The following OR9Q1 variants were observed in gnomAD, a reference collection of about 807,000 sequenced individuals.
OR9Q1 encodes olfactory receptor family 9 subfamily Q member 1.
For missense variants in OR9Q1, 374 were observed against 378.8 expected (o/e 0.99, Z 0.11); for synonymous variants, 153 against 148.6 (o/e 1.03, Z -0.22).
At position 58,091,833 on chromosome 11, in the gene OR9Q1, T is replaced by A. The variant is rs1316486882; in HGVS notation, c.-15+35886T>A. Among the ~76,000 whole-genome samples, 4 of 152,194 alleles carry A rather than the reference T, an allele frequency of 2.6e-5. No individual in the cohort carries two copies. In the South Asian group the frequency reaches 6.2e-4, roughly 24 times the overall value. Reference sequence around the variant, plus strand: ...TGAATCTGTGTACTCCTGTATTGGGTGCATATATGTATTTAGGATAGTTGC... The same window carrying A: ...TGAATCTGTGTACTCCTGTATTGGGAGCATATATGTATTTAGGATAGTTGC... On this transcript the variant is annotated intron_variant, in intron 2 of 2. Coordinates refer to ENST00000335397, the MANE Select transcript of OR9Q1 (RefSeq NM_001005212.4).
intron 2 of OR9Q1, among the ~76,000 whole-genome samples, chr11:58,162,837 T>C (rs1246052237): frequency 6.6e-6 from 1 of 152,182 alleles, no homozygotes; most frequent in Non-Finnish European, 1.5e-5. Context: ...GAGAATCACA[T>C]ATTCTCGGAT....
At position 58,093,407 on chromosome 11, in the gene OR9Q1, G is replaced by A. The variant is rs192116479; in HGVS notation, c.-15+37460G>A. 3.1e-3 allele frequency among the ~76,000 whole-genome samples: 465 copies of A among 152,104 alleles called. 1 individual carries two copies. The highest frequency in any genetic ancestry group is 0.01 in the African/African-American group (434 of 41,496). On this transcript the variant is annotated intron_variant, in intron 2 of 2. Transcript: ENST00000335397. ...AGGAAAACATACAAATGACCAACAA[G>A]CATGTGAAAAAATGTTCAACATCAC...
rs1590625182 is a variant in OR9Q1 at position 58,169,426 on chromosome 11, A to G, written c.-14-10005A>G. The stretch of plus-strand genomic sequence containing the variant: ...TAGAACTTTTATTGAGCAGATATCT[A>G]TCTTTTGTGCCTCTTAACTTTTTCA... On this transcript the variant is annotated intron_variant, in intron 2 of 2. Transcript: ENST00000335397. Among the ~76,000 whole-genome samples, 5 of 152,000 alleles carry G rather than the reference A, an allele frequency of 3.3e-5. No individual in the cohort carries two copies. In the South Asian group the frequency reaches 8.3e-4, roughly 25 times the overall value.
chr11:58,109,235 C>T (rs1425244323), intron 2 of OR9Q1: 1 of 465,194 alleles, frequency 2.1e-6, no homozygotes, highest in African/African-American at 2.0e-5. Context: ...GCCAAAAAGA[C>T]CCTGCAGGTA....
chr11:58,086,284 G>A (rs1445412283), intron 2 of OR9Q1, among the ~76,000 whole-genome samples: 1 of 151,718 alleles, frequency 6.6e-6, no homozygotes, highest in African/African-American at 2.4e-5. Flanking sequence ...CTAATCATTA[G>A]GTAAATAAAA....
intron 2 of OR9Q1, among the ~76,000 whole-genome samples, chr11:58,119,813 ATGAGC>A (rs56770449): frequency 0.03 from 4,613 of 152,246 alleles, 222 homozygotes; most frequent in African/African-American, 0.1. Flanking sequence ...CAGTTGCCGT[ATGAGC>A]CTCCATCTGC....
chr11:58,063,421 A>G (rs1853398875), intron 2 of OR9Q1, among the ~76,000 whole-genome samples: 1 of 152,188 alleles, frequency 6.6e-6, no homozygotes, highest in African/African-American at 2.4e-5. Flanking sequence ...ACATGTATTA[A>G]TTTATTTAAT....
chr11:58,106,008 TA>T (rs1853836247), intron 2 of OR9Q1, among the ~76,000 whole-genome samples: 1 of 152,138 alleles, frequency 6.6e-6, no homozygotes, highest in Non-Finnish European at 1.5e-5. Context: ...GATCATTTGA[TA>T]ATTCTATTTT....
At chr11:58,109,801 G>C (rs531523877) in intron 2 of OR9Q1, 1 of 348,030 alleles carries the variant, frequency 2.9e-6, no homozygotes, top group African/African-American at 2.1e-5. Context: ...TTACCATCTT[G>C]AGTCCACAAC....
intron 1 of OR9Q1, among the ~76,000 whole-genome samples, chr11:58,046,204 C>T (rs1156895055): frequency 6.6e-6 from 1 of 151,800 alleles, no homozygotes; most frequent in Non-Finnish European, 1.5e-5. Flanking sequence ...CAGCCCCTTG[C>T]CTGTGGGGCG....
intron 2 of OR9Q1, among the ~76,000 whole-genome samples, chr11:58,159,880 A>T (rs1380378370): frequency 1.3e-5 from 2 of 152,212 alleles, no homozygotes; most frequent in African/African-American, 4.8e-5. Context: ...CTGCAATAAG[A>T]TATTGATAGA....
In OR9Q1 at chr11:58,038,835, A is replaced by G. The variant is rs201012066; in HGVS notation, c.-93+14731A>G. On this transcript the variant is annotated intron_variant, in intron 1 of 2. Transcript: ENST00000335397. ...TTCTATTTCGTTTTTCAGGGTTCTTAGTCTTTTTAGTTAGTCTCTTATTTT... is the reference window on the plus strand; with the variant it reads ...TTCTATTTCGTTTTTCAGGGTTCTTGGTCTTTTTAGTTAGTCTCTTATTTT... 2.6e-5 allele frequency among the ~76,000 whole-genome samples: 4 copies of G among 151,966 alleles called. No homozygotes were observed. The East Asian group carries it at 7.7e-4, about 29-fold the overall frequency.
intron 2 of OR9Q1, among the ~76,000 whole-genome samples, chr11:58,084,252 C>A (rs539171997): frequency 6.6e-6 from 1 of 151,864 alleles, no homozygotes; most frequent in African/African-American, 2.4e-5. Context: ...TAATTTGACT[C>A]CTAGCCTGGA....
chr11:58,037,698 T>TAG (rs1853120756), intron 1 of OR9Q1, among the ~76,000 whole-genome samples: 1 of 6,378 alleles, frequency 1.6e-4, no homozygotes, highest in Non-Finnish European at 2.6e-4. Context: ...TATTTTTTTT[T>TAG]TTTTTTTTTT....
intron 2 of OR9Q1, among the ~76,000 whole-genome samples, chr11:58,159,273 C>A (rs1565093321): frequency 6.6e-6 from 1 of 152,154 alleles, no homozygotes; most frequent in Non-Finnish European, 1.5e-5. Context: ...AGACTCAGAT[C>A]ACATACCTCC....
intron 2 of OR9Q1, among the ~76,000 whole-genome samples, chr11:58,152,990 C>T (rs1435844414): frequency 6.6e-6 from 1 of 152,214 alleles, no homozygotes; most frequent in African/African-American, 2.4e-5. Context: ...CAAAGTGATG[C>T]TGGTGCCTGG....
chr11:58,093,455 T>G (rs900180526), intron 2 of OR9Q1, among the ~76,000 whole-genome samples: 2 of 151,918 alleles, frequency 1.3e-5, no homozygotes, highest in Admixed American at 6.6e-5. Context: ...AAATGCAAAT[T>G]AAAACCACAG....
intron 2 of OR9Q1, among the ~76,000 whole-genome samples, chr11:58,098,103 C>T (rs1002233497): frequency 6.6e-6 from 1 of 152,134 alleles, no homozygotes; most frequent in African/African-American, 2.4e-5. Flanking sequence ...ACAAGTTGAA[C>T]ATTGCTCTTT....
At chr11:58,096,509 T>C (rs1455721266) in intron 2 of OR9Q1, among the ~76,000 whole-genome samples, 2 of 152,098 alleles carry the variant, frequency 1.3e-5, no homozygotes, top group African/African-American at 4.8e-5. Flanking sequence ...CTTCTTTTGG[T>C]AATATATAAT....
Sources: allele counts gnomAD v4.1 joint callset (sites outside exome capture counted in the v4.1 genomes callset), GRCh38; gene constraint gnomAD v4.1.1; transcripts MANE v1.5; gene names NCBI Gene and HGNC (gene_info 2026-07-23, HGNC 2026-07-21).